Variants in TAFA5 observed in about 807,000 individuals in gnomAD.
The protein encoded by TAFA5 is TAFA chemokine like family member 5.
In TAFA5, 6 loss-of-function variants were observed where a neutral mutation model predicts 15.3. The ratio of observed to expected loss-of-function variants is 0.39; its 90% CI spans 0.21 to 0.77. The LOEUF is 0.77. Ranked by LOEUF, TAFA5 falls within the 30% of genes least tolerant of loss-of-function variation. TAFA5 has a pLI of 0.41. For missense variants in TAFA5, 161 were observed against 193.1 expected (o/e 0.83, Z 0.98); for synonymous variants, 103 against 80.7 (o/e 1.28, Z -1.48).
intron 1 of TAFA5, among the ~76,000 whole-genome samples, chr22:48,637,639 C>A (rs1926497857): frequency 6.6e-6 from 1 of 152,104 alleles, no homozygotes; most frequent in South Asian, 2.1e-4. Context: ...GTAATGAAAT[C>A]CCGCACCCTC....
intron 1 of TAFA5, among the ~76,000 whole-genome samples, chr22:48,640,861 G>A (rs1245028390): frequency 2.0e-5 from 3 of 151,118 alleles, no homozygotes; most frequent in African/African-American, 7.3e-5. Flanking sequence ...TGAGACCGTG[G>A]GGGCACCGTG....
intron 2 of TAFA5, among the ~76,000 whole-genome samples, chr22:48,652,385 G>A (rs1368526857): frequency 2.0e-5 from 3 of 152,070 alleles, no homozygotes; most frequent in East Asian, 3.9e-4. Flanking sequence ...TCATCCCTTC[G>A]GCAAGTGGTG....
chr22:48,631,091 C>T (rs1926209481), intron 1 of TAFA5, among the ~76,000 whole-genome samples: 1 of 152,204 alleles, frequency 6.6e-6, no homozygotes, highest in South Asian at 2.1e-4. Flanking sequence ...GGACGGACCT[C>T]CTGGGCCAGG....
chr22:48,649,359 C>T (rs1926975554), intron 2 of TAFA5, among the ~76,000 whole-genome samples: 1 of 152,208 alleles, frequency 6.6e-6, no homozygotes, highest in South Asian at 2.1e-4. Flanking sequence ...AGCTCTTTGG[C>T]ACTTGGGAGG....
At chr22:48,599,958 G>C (rs1156339781) in intron 1 of TAFA5, among the ~76,000 whole-genome samples, 3 of 152,164 alleles carry the variant, frequency 2.0e-5, no homozygotes, top group Non-Finnish European at 4.4e-5. Flanking sequence ...TTCCTGCCTC[G>C]ATTCCCTCTT....
chr22:48,582,669 A>ACACC (rs1033284051), intron 1 of TAFA5, among the ~76,000 whole-genome samples: 2 of 150,930 alleles, frequency 1.3e-5, no homozygotes, highest in African/African-American at 4.9e-5. Flanking sequence ...CACACAAAAT[A>ACACC]CACCACACAC....
At chr22:48,656,880 C>T (rs1463503496) in intron 2 of TAFA5, among the ~76,000 whole-genome samples, 1 of 151,270 alleles carries the variant, frequency 6.6e-6, no homozygotes, top group Admixed American at 6.6e-5. Flanking sequence ...GTTCTCTTGC[C>T]TCAGCCTCCC....
chr22:48,537,518 C>A (rs1158223592), intron 1 of TAFA5, among the ~76,000 whole-genome samples: 2 of 152,260 alleles, frequency 1.3e-5, no homozygotes, highest in African/African-American at 4.8e-5. Flanking sequence ...GCATGCGGCC[C>A]TGGCCAGCCT....
At chr22:48,687,447 G>GT (rs1413109865) in intron 2 of TAFA5, among the ~76,000 whole-genome samples, 1 of 150,158 alleles carries the variant, frequency 6.7e-6, no homozygotes, top group African/African-American at 2.5e-5. Flanking sequence ...GGTGGCAGGG[G>GT]TGGGGGGGCA....
intron 3 of TAFA5, among the ~76,000 whole-genome samples, chr22:48,715,905 G>A (rs6010601): frequency 0.036 from 5,459 of 152,270 alleles, 201 homozygotes; most frequent in African/African-American, 0.1. Flanking sequence ...TCTTTAATCC[G>A]TCTTGAGTTA....
At position 48,749,869 on chromosome 22, in the gene TAFA5, C is replaced by T. The variant is rs757191972; in HGVS notation, c.*22C>T. 2 of 1,554,928 alleles carry T rather than the reference C, an allele frequency of 1.3e-6. No individual in the cohort carries two copies. The highest frequency in any genetic ancestry group is 1.7e-6 in the Non-Finnish European group (2 of 1,148,712). On this transcript the variant is annotated 3_prime_UTR_variant, in exon 4 of 4. Transcript: ENST00000402357. ...CTGACAAACACAGCCCCTGAGGGGC[C>T]CCGGGAGTGGCCTTGGCTCCCTGGA...
chr22:48,590,426 G>T (rs1434335648), intron 1 of TAFA5, among the ~76,000 whole-genome samples: 1 of 152,216 alleles, frequency 6.6e-6, no homozygotes, highest in Non-Finnish European at 1.5e-5. Context: ...AAAGGCGCTG[G>T]CTTTCCATTC....
intron 2 of TAFA5, among the ~76,000 whole-genome samples, chr22:48,652,389 A>G (rs1384763039): frequency 2.0e-5 from 3 of 152,014 alleles, no homozygotes; most frequent in African/African-American, 7.3e-5. Flanking sequence ...CCCTTCGGCA[A>G]GTGGTGGTTG....
At position 48,598,416 on chromosome 22, in the gene TAFA5, C is replaced by T. The variant is rs544813507; in HGVS notation, c.113-48181C>T. On this transcript the variant is annotated intron_variant, in intron 1 of 3. Transcript: ENST00000402357. This position sits in a 1 kb window ranked among gnomAD's most constrained non-coding sequence, Gnocchi z 4.0. ...CCAGGGGGCAGTGGTGAGGGGCTGG[C>T]GCTGTGATCGTGCTTAGTGTTTATG... Among the ~76,000 whole-genome samples the T allele has an allele frequency of 3.9e-5, 6 of 152,152 alleles. No individual in the cohort carries two copies. The highest frequency in any genetic ancestry group is 1.5e-5 in the Non-Finnish European group (1 of 68,024).
At position 48,709,298 on chromosome 22, in the gene TAFA5, T is replaced by C. The variant is rs368597186; in HGVS notation, c.390+1454T>C. ...CAGGGTTTGTTTATCTGGCATTAAGTGCAGAAGCAAATGATTCCGTCCTGC... is the reference window on the plus strand; with the variant it reads ...CAGGGTTTGTTTATCTGGCATTAAGCGCAGAAGCAAATGATTCCGTCCTGC... On this transcript the variant is annotated intron_variant, in intron 3 of 3. Transcript: ENST00000402357. 5.3e-5 allele frequency among the ~76,000 whole-genome samples: 8 copies of C among 152,306 alleles called. 1 individual carries two copies. In the South Asian group the frequency reaches 1.4e-3, roughly 28 times the overall value.
At chr22:48,575,372 C>A (rs1923732757) in intron 1 of TAFA5, among the ~76,000 whole-genome samples, 1 of 149,380 alleles carries the variant, frequency 6.7e-6, no homozygotes, top group Admixed American at 6.7e-5. Flanking sequence ...CGCGGCTCCG[C>A]GGCCGGGAGG....
intron 3 of TAFA5, among the ~76,000 whole-genome samples, chr22:48,734,958 G>T (rs765132864): frequency 6.6e-5 from 10 of 152,050 alleles, no homozygotes; most frequent in Non-Finnish European, 1.5e-4. Flanking sequence ...AGGAAGTGGA[G>T]GGGAATATTG....
At position 48,571,271 on chromosome 22, in the gene TAFA5, CTTTTTTTTTTTTTT is replaced by C. The variant is rs869050468; in HGVS notation, c.113-75317_113-75304del. On this transcript the variant is annotated intron_variant, in intron 1 of 3. Transcript: ENST00000402357. ...AACATTTTTTTGTTGTTGTTGTTTGCTTTTTTTTTTTTTTTTTTTTTTGAGACAAAGTCTCGCTC... is the reference window on the plus strand; with the variant it reads ...AACATTTTTTTGTTGTTGTTGTTTGCTTTTTTTTGAGACAAAGTCTCGCTC... Among the ~76,000 whole-genome samples, 3 of 97,668 alleles carry C rather than the reference CTTTTTTTTTTTTTT, an allele frequency of 3.1e-5. No individual in the cohort carries two copies. In the Middle Eastern group the frequency reaches 0.022, roughly 708 times the overall value. The allele number at this position is 97,668 out of a possible 152,430, so 64.1% of individuals were successfully genotyped here. A position where few individuals can be genotyped will look rare whatever the true frequency, so the allele number is the denominator to read the frequency against.
At position 48,676,846 on chromosome 22, in the gene TAFA5, G is replaced by C. The variant is rs539522065; in HGVS notation, c.262+30100G>C. ...TTCTCTAAGTTTCTTCCTGGAAGTGGGATGCTCCTTGGACTAACCTCCCTG... is the reference window on the plus strand; with the variant it reads ...TTCTCTAAGTTTCTTCCTGGAAGTGCGATGCTCCTTGGACTAACCTCCCTG... On this transcript the variant is annotated intron_variant, in intron 2 of 3. Coordinates refer to ENST00000402357, the MANE Select transcript of TAFA5 (RefSeq NM_001082967.3). Among the ~76,000 whole-genome samples the C allele has an allele frequency of 9.2e-5, 14 of 152,316 alleles. No homozygotes were observed. The South Asian group carries it at 2.9e-3, about 32-fold the overall frequency.
Sources: allele counts gnomAD v4.1 joint callset (sites outside exome capture counted in the v4.1 genomes callset), GRCh38; gene constraint gnomAD v4.1.1; non-coding constraint Gnocchi (gnomAD v3.1); transcripts MANE v1.5; gene names NCBI Gene and HGNC (gene_info 2026-07-23, HGNC 2026-07-21).